The following MEF2A variants were observed in gnomAD, a reference collection of about 807,000 sequenced individuals.
The protein encoded by MEF2A is myocyte enhancer factor 2A.
MEF2A carries 28 observed loss-of-function variants against 55.8 expected under a neutral mutation model. The ratio of observed to expected loss-of-function variants is 0.50; its 90% CI spans 0.37 to 0.69. MEF2A has a LOEUF of 0.69. Among genes scored for constraint, MEF2A ranks in the 30% least tolerant of loss-of-function variants. MEF2A has a pLI of 0.00. For missense variants in MEF2A, 528 were observed against 626.2 expected, an observed-to-expected ratio of 0.84 and a Z score of 1.67; for synonymous variants, 239 against 227.1, an observed-to-expected ratio of 1.05 and a Z score of -0.47.
At chr15:99,699,889 G>C (rs2057111934) in intron 8 of MEF2A, among the ~76,000 whole-genome samples, 1 of 151,986 alleles carries the variant, frequency 6.6e-6, no homozygotes, top group Non-Finnish European at 1.5e-5. Flanking sequence ...AGGGGGTTGG[G>C]GGTGGGGTCT....
At chr15:99,682,480 A>T (rs1255280061) in intron 7 of MEF2A, among the ~76,000 whole-genome samples, 1 of 152,232 alleles carries the variant, frequency 6.6e-6, no homozygotes, top group Non-Finnish European at 1.5e-5. Flanking sequence ...TATTTACCTC[A>T]AAAGTCTATC....
chr15:99,699,952 A>ATGTGTGTG (rs752346994), intron 8 of MEF2A, among the ~76,000 whole-genome samples: 558 of 130,568 alleles, frequency 4.3e-3, no homozygotes, highest in Middle Eastern at 0.023. Flanking sequence ...AAGAGTTTAT[A>ATGTGTGTG]TGTGTGTGTG....
chr15:99,706,845 C>G lies in MEF2A; in HGVS notation c.999C>G (p.Ala333=). 2 of 1,614,024 alleles carry G rather than the reference C, an allele frequency of 1.2e-6. No homozygotes were observed. Among genetic ancestry groups the G allele is most frequent in the Non-Finnish European group, 1.7e-6 (2 of 1,179,884 alleles). Reference sequence around the variant, plus strand: ...TTGTGTACTCAGCAATGCCGACTGCCTACAACACTGGTGAGCCTGCTCTGG... The same window carrying G: ...TTGTGTACTCAGCAATGCCGACTGCGTACAACACTGGTGAGCCTGCTCTGG... ...QGLVYSAMPT[A]YNTDYSLTSA... Residue 333 remains alanine, a synonymous_variant, in exon 10 of 12, where the codon GCC becomes GCG. Coordinates refer to ENST00000557942, the MANE Select transcript of MEF2A (RefSeq NM_001319206.4).
At chr15:99,575,064 T>C (rs1479260518) in intron 1 of MEF2A, among the ~76,000 whole-genome samples, 2 of 152,104 alleles carry the variant, frequency 1.3e-5, no homozygotes, top group Non-Finnish European at 2.9e-5. Flanking sequence ...TCTCTTCCTA[T>C]TAAAATTATT....
intron 7 of MEF2A, among the ~76,000 whole-genome samples, chr15:99,687,173 A>G (rs1361303447): frequency 8.1e-6 from 1 of 123,030 alleles, no homozygotes; most frequent in Admixed American, 1.2e-4. Context: ...CGATCTGCCC[A>G]CCTCAGCCTC....
intron 2 of MEF2A, among the ~76,000 whole-genome samples, chr15:99,627,984 T>G (rs1473082911): frequency 6.6e-6 from 1 of 152,170 alleles, no homozygotes; most frequent in Non-Finnish European, 1.5e-5. Context: ...GAGAAATGAT[T>G]GGGGATTATG....
intron 2 of MEF2A, among the ~76,000 whole-genome samples, chr15:99,609,200 T>C (rs1976261546): frequency 6.6e-6 from 1 of 152,234 alleles, no homozygotes; most frequent in African/African-American, 2.4e-5. Flanking sequence ...CTTTGGGTCA[T>C]AGTGATTTCT....
chr15:99,666,129 C>T (rs1209620819), intron 4 of MEF2A, among the ~76,000 whole-genome samples: 3 of 152,070 alleles, frequency 2.0e-5, no homozygotes, highest in African/African-American at 4.8e-5. Flanking sequence ...TGTAAAGACA[C>T]GTGCACACAT....
intron 1 of MEF2A, among the ~76,000 whole-genome samples, chr15:99,590,849 T>A (rs764011004): frequency 6.6e-6 from 1 of 152,168 alleles, no homozygotes; most frequent in African/African-American, 2.4e-5. Flanking sequence ...TTGCTTTAGA[T>A]AATCAAATAT....
At chr15:99,595,793 CAG>C (rs1003531059) in intron 1 of MEF2A, among the ~76,000 whole-genome samples, 11 of 152,142 alleles carry the variant, frequency 7.2e-5, no homozygotes, top group African/African-American at 1.9e-4. Context: ...ATAAGAGACA[CAG>C]GGGAAAGTTA....
chr15:99,716,470 CG>C lies in MEF2A; in HGVS notation c.*3701del. On this transcript the variant is annotated 3_prime_UTR_variant, in exon 12 of 12. Coordinates refer to ENST00000557942, the MANE Select transcript of MEF2A (RefSeq NM_001319206.4). ...TCTCCCGCACTCACTCCAGTAAAGA[CG>C]GACTGGCTCTTCCTGTGCGTCGAGA... is the stretch of plus-strand genomic sequence containing the variant. The C allele has an allele frequency of 2.2e-6, 1 of 456,838 alleles. No individual in the cohort carries two copies. Among genetic ancestry groups the C allele is most frequent in the Non-Finnish European group, 4.4e-6 (1 of 226,992 alleles). 28.3% of individuals were successfully genotyped at this position (456,838 alleles called of 1,614,324 possible).
rs187367543 is a variant in MEF2A at position 99,609,604 on chromosome 15, C to T, written c.-143+11093C>T. Among the ~76,000 whole-genome samples, 790 of 152,226 alleles carry T rather than the reference C, an allele frequency of 5.2e-3. 2 individuals are homozygous for T. The highest frequency in any genetic ancestry group is 7.0e-3 in the Non-Finnish European group (479 of 68,018). On this transcript the variant is annotated intron_variant, in intron 2 of 11. Transcript: ENST00000557942. ...CAAATGGAATACCTTAGTCATTTTC[C>T]ATAAAATAATAGCTTATGATAGTCT...
chr15:99,582,460 A>AT (rs1487450152), intron 1 of MEF2A, among the ~76,000 whole-genome samples: 5 of 151,804 alleles, frequency 3.3e-5, no homozygotes, highest in Non-Finnish European at 4.4e-5. Flanking sequence ...ATCCGATAGT[A>AT]TTTTTTCTGC....
At chr15:99,652,244 C>A (rs1292678514) in intron 4 of MEF2A, among the ~76,000 whole-genome samples, 2 of 152,096 alleles carry the variant, frequency 1.3e-5, no homozygotes, top group Admixed American at 1.3e-4. Context: ...TGAAATTGTT[C>A]CACCTCAGAT....
At chr15:99,571,545 C>T (rs1962303134) in intron 1 of MEF2A, among the ~76,000 whole-genome samples, 1 of 152,078 alleles carries the variant, frequency 6.6e-6, no homozygotes, top group Admixed American at 6.6e-5. Flanking sequence ...GTTTCTATGC[C>T]CTAGTCAAAG....
At chr15:99,609,090 G>A (rs544667386) in intron 2 of MEF2A, among the ~76,000 whole-genome samples, 6 of 152,294 alleles carry the variant, frequency 3.9e-5, no homozygotes, top group Admixed American at 2.0e-4. Flanking sequence ...TTCTGCTACA[G>A]TTAAGGTGCT....
At position 99,659,270 on chromosome 15, in the gene MEF2A, G is replaced by A. The variant is rs144227295; in HGVS notation, c.259-12053G>A. Among the ~76,000 whole-genome samples, 420 of 152,136 alleles carry A rather than the reference G, an allele frequency of 2.8e-3. 1 individual carries two copies. The highest frequency in any genetic ancestry group is 3.9e-3 in the Non-Finnish European group (264 of 67,984). ...AAGGGCCTCAAAACTGTTGGGATTG[G>A]GGGGTGGGGCAGGTAGGGAATCTTA... On this transcript the variant is annotated intron_variant, in intron 4 of 11. Coordinates refer to ENST00000557942, the MANE Select transcript of MEF2A (RefSeq NM_001319206.4).
intron 7 of MEF2A, among the ~76,000 whole-genome samples, chr15:99,684,999 T>C (rs1418109180): frequency 6.6e-6 from 1 of 152,232 alleles, no homozygotes; most frequent in East Asian, 1.9e-4. Context: ...ATCAGTTGGC[T>C]GTAAGTATTT....
chr15:99,624,688 C>CAAAA (rs2041787029), intron 2 of MEF2A, among the ~76,000 whole-genome samples: 1 of 152,038 alleles, frequency 6.6e-6, no homozygotes, highest in Non-Finnish European at 1.5e-5. Context: ...TTAGGGTGAC[C>CAAAA]TTTTCTATTT....
Sources: allele counts gnomAD v4.1 joint callset (sites outside exome capture counted in the v4.1 genomes callset), GRCh38; gene constraint gnomAD v4.1.1; transcripts MANE v1.5; gene names NCBI Gene and HGNC (gene_info 2026-07-23, HGNC 2026-07-21).